The following DENND1A variants were observed in gnomAD, a reference collection of about 807,000 sequenced individuals.
The protein encoded by DENND1A is DENN domain-containing protein 1A.
Under a neutral mutation model 113.7 loss-of-function variants are expected in DENND1A, and 51 were observed. The observed-to-expected ratio is 0.45, with a 90% CI of 0.36 to 0.57. The LOEUF is 0.57. DENND1A is among the 20% of genes least tolerant of loss of function. The pLI is 0.00. For missense variants in DENND1A, 1,258 were observed against 1,395.9 expected, an observed-to-expected ratio of 0.90 and a Z score of 1.57; for synonymous variants, 565 against 570.8, an observed-to-expected ratio of 0.99 and a Z score of 0.14.
At chr9:123,614,204 T>C (rs991284772) in intron 10 of DENND1A, among the ~76,000 whole-genome samples, 1 of 152,208 alleles carries the variant, frequency 6.6e-6, no homozygotes, top group Admixed American at 6.5e-5. Flanking sequence ...GAAGCCGTAC[T>C]TCAGACGCAA....
intron 5 of DENND1A, among the ~76,000 whole-genome samples, chr9:123,716,069 A>G (rs548464940): frequency 1.8e-4 from 28 of 152,336 alleles, no homozygotes; most frequent in Admixed American, 1.8e-3. Flanking sequence ...TTTAGGATAC[A>G]TGTGATCTTG....
chr9:123,452,147 T>C (rs537390936), intron 17 of DENND1A, 129 bp downstream of exon 17: 10 of 808,090 alleles, frequency 1.2e-5, no homozygotes, highest in Admixed American at 9.0e-5. Context: ...TGAGCTGTGA[T>C]TGCACCACTG....
At chr9:123,407,264 G>A (rs946164481) in intron 20 of DENND1A, among the ~76,000 whole-genome samples, 1 of 151,846 alleles carries the variant, frequency 6.6e-6, no homozygotes, top group African/African-American at 2.4e-5. Flanking sequence ...CATGGCTGCC[G>A]ACCCACCCAG....
chr9:123,520,742 A>C (rs1191224295), intron 13 of DENND1A, among the ~76,000 whole-genome samples: 1 of 152,208 alleles, frequency 6.6e-6, no homozygotes, highest in Non-Finnish European at 1.5e-5. Flanking sequence ...GTTCATAATC[A>C]TTTCAGCCAG....
chr9:123,895,111 G>A (rs1850524785), intron 1 of DENND1A, among the ~76,000 whole-genome samples: 1 of 151,160 alleles, frequency 6.6e-6, no homozygotes, highest in East Asian at 1.9e-4. Context: ...GGGCTGGGGT[G>A]CAGTGACTAT....
chr9:123,574,589 C>A (rs1265185129), intron 12 of DENND1A, among the ~76,000 whole-genome samples: 1 of 151,914 alleles, frequency 6.6e-6, no homozygotes, highest in Non-Finnish European at 1.5e-5. Context: ...CAAAGAGGAC[C>A]CATATTCTCC....
intron 19 of DENND1A, 51 bp downstream of exon 19, chr9:123,440,309 C>CA: frequency 6.4e-7 from 1 of 1,554,294 alleles, no homozygotes; most frequent in South Asian, 1.2e-5. Context: ...CTGCTAAAAA[C>CA]AAAAATAAAA....
intron 13 of DENND1A, among the ~76,000 whole-genome samples, chr9:123,481,997 T>G (rs1308938111): frequency 1.3e-5 from 2 of 152,000 alleles, no homozygotes; most frequent in African/African-American, 4.8e-5. Flanking sequence ...AGAGATGGGA[T>G]TTGGCCATGT....
At chr9:123,443,522 A>T (rs1379088250) in intron 18 of DENND1A, among the ~76,000 whole-genome samples, 1 of 152,278 alleles carries the variant, frequency 6.6e-6, no homozygotes, top group African/African-American at 2.4e-5. Flanking sequence ...AGATCCAAAG[A>T]TGCAAAAGGT....
At chr9:123,399,686 G>A (rs2043324681) in intron 21 of DENND1A, among the ~76,000 whole-genome samples, 1 of 152,236 alleles carries the variant, frequency 6.6e-6, no homozygotes, top group Non-Finnish European at 1.5e-5. Flanking sequence ...GAGCCAGAGA[G>A]GAAGGGTGGC....
intron 1 of DENND1A, among the ~76,000 whole-genome samples, chr9:123,903,525 C>G (rs981234135): frequency 6.6e-6 from 1 of 151,994 alleles, no homozygotes; most frequent in Non-Finnish European, 1.5e-5. Flanking sequence ...GCACCGTGCA[C>G]GAGCTGAAGC....
intron 1 of DENND1A, among the ~76,000 whole-genome samples, chr9:123,909,298 T>C (rs1490320298): frequency 6.6e-6 from 1 of 150,554 alleles, no homozygotes; most frequent in African/African-American, 2.5e-5. Context: ...TGTATACATA[T>C]GTAACTAACC....
chr9:123,719,732 T>C (rs1226303820), intron 5 of DENND1A, among the ~76,000 whole-genome samples: 2 of 152,200 alleles, frequency 1.3e-5, no homozygotes, highest in Non-Finnish European at 2.9e-5. Flanking sequence ...ATGTTTCATA[T>C]ACACCTCATA....
At chr9:123,434,818 C>T (rs995615214) in intron 19 of DENND1A, among the ~76,000 whole-genome samples, 1 of 152,142 alleles carries the variant, frequency 6.6e-6, no homozygotes, top group Non-Finnish European at 1.5e-5. Context: ...TGCATGCTTA[C>T]AGTAAGTGCA....
In DENND1A at chr9:123,864,663, T is replaced by C. The variant is rs567389608; in HGVS notation, c.88+14288A>G. ...CCAGAAAAATCGCGGGAGAGAAAAC[T>C]GCAGCAGAACTCCTGCCGCTAATAT... On this transcript the variant is annotated intron_variant, in intron 2 of 23. Coordinates refer to ENST00000394215, the MANE Select transcript of DENND1A (RefSeq NM_001352964.2). Among the ~76,000 whole-genome samples the C allele has an allele frequency of 6.6e-5, 10 of 152,166 alleles. No individual in the cohort carries two copies. The South Asian group carries it at 2.1e-3, about 32-fold the overall frequency.
At chr9:123,723,594 A>G (rs1432499640) in intron 5 of DENND1A, among the ~76,000 whole-genome samples, 2 of 152,296 alleles carry the variant, frequency 1.3e-5, no homozygotes, top group South Asian at 2.1e-4. Context: ...TCTCGTGACA[A>G]TGAATAAGTC....
At chr9:123,735,197 C>T (rs534130060) in intron 5 of DENND1A, among the ~76,000 whole-genome samples, 10 of 152,256 alleles carry the variant, frequency 6.6e-5, no homozygotes, top group African/African-American at 2.4e-4. Context: ...TAAAATACCC[C>T]TATTTCCACT....
intron 13 of DENND1A, among the ~76,000 whole-genome samples, chr9:123,547,336 C>G (rs563580676): frequency 6.6e-6 from 1 of 152,200 alleles, no homozygotes; most frequent in East Asian, 1.9e-4. Context: ...TTGGGACCAG[C>G]CTGATCAACA....
chr9:123,437,676 G>C (rs184246468), intron 19 of DENND1A: 1 of 152,104 alleles, frequency 6.6e-6, no homozygotes, highest in Non-Finnish European at 1.5e-5. Flanking sequence ...GTGTGGGCTC[G>C]AGAGGAGGTG....
Sources: gnomAD v4.1 joint callset for allele counts (sites outside exome capture counted in the v4.1 genomes callset) on GRCh38, gnomAD v4.1.1 for gene constraint, MANE v1.5 for transcripts, NCBI Gene and HGNC (gene_info 2026-07-23, HGNC 2026-07-21) for gene names.